The following CDH18 variants were observed in gnomAD, a reference collection of about 807,000 sequenced individuals.
CDH18 encodes the protein cadherin 18.
In CDH18, 31 loss-of-function variants were observed where a neutral mutation model predicts 67.9. The observed-to-expected ratio is 0.46, with a 90% CI of 0.34 to 0.62. The LOEUF is 0.62. Ranked by LOEUF, CDH18 falls within the 20% of genes least tolerant of loss-of-function variation. CDH18 has a pLI of 0.01. For missense variants in CDH18, 890 were observed against 975.5 expected (o/e 0.91, Z 1.17); for synonymous variants, 362 against 347.2 (o/e 1.04, Z -0.48).
chr5:19,859,232 C>T (rs1173111798), intron 2 of CDH18, among the ~76,000 whole-genome samples: 1 of 152,096 alleles, frequency 6.6e-6, no homozygotes, highest in Non-Finnish European at 1.5e-5. Flanking sequence ...TTATACTCTC[C>T]TCCCTTTGGA....
At chr5:20,043,592 T>C (rs2150477122) in intron 2 of CDH18, among the ~76,000 whole-genome samples, 1 of 152,314 alleles carries the variant, frequency 6.6e-6, no homozygotes, top group South Asian at 2.1e-4. Flanking sequence ...GTTATGGATA[T>C]ATAGAATGTG....
rs1580034723 is a variant in CDH18, at chr5:19,530,470, A to C, written c.1391-9692T>G. On this transcript the variant is annotated intron_variant, in intron 9 of 12. Coordinates refer to ENST00000382275, the MANE Select transcript of CDH18 (RefSeq NM_004934.5). ...TATTATACTTTAAGTTTTAGTGTAC[A>C]TGTGCACAATGTGCAGGTTTGTTAC... Among the ~76,000 whole-genome samples the C allele has an allele frequency of 2.0e-5, 3 of 152,212 alleles. No homozygotes were observed. In the East Asian group the frequency reaches 5.8e-4, roughly 29 times the overall value.
At chr5:20,541,947 GTTGTTTT>G (rs1043938400) in intron 1 of CDH18, among the ~76,000 whole-genome samples, 10 of 151,982 alleles carry the variant, frequency 6.6e-5, no homozygotes, top group Non-Finnish European at 1.0e-4. Context: ...GGTTTTTGTT[GTTGTTTT>G]TTGTTTTTTG....
intron 5 of CDH18, among the ~76,000 whole-genome samples, chr5:19,681,674 G>C (rs1760345950): frequency 6.6e-6 from 1 of 151,874 alleles, no homozygotes; most frequent in African/African-American, 2.4e-5. Flanking sequence ...TACAAACCCA[G>C]TCTAGCTGGG....
chr5:20,401,485 C>T (rs1056963914), intron 1 of CDH18, among the ~76,000 whole-genome samples: 5 of 152,110 alleles, frequency 3.3e-5, no homozygotes, highest in Admixed American at 6.6e-5. Flanking sequence ...TTAAATAGGT[C>T]TCTGTGTCTT....
intron 2 of CDH18, among the ~76,000 whole-genome samples, chr5:19,947,208 C>T (rs1436630807): frequency 6.6e-6 from 1 of 151,630 alleles, no homozygotes; most frequent in Non-Finnish European, 1.5e-5. Context: ...AAGTTTTATT[C>T]AACATAATAC....
chr5:20,164,434 C>T (rs1297248167), intron 2 of CDH18, among the ~76,000 whole-genome samples: 1 of 152,016 alleles, frequency 6.6e-6, no homozygotes, highest in Non-Finnish European at 1.5e-5. Flanking sequence ...ATTACAGGCA[C>T]CTGCCACCAC....
chr5:20,064,118 A>G (rs1742763295), intron 2 of CDH18, among the ~76,000 whole-genome samples: 1 of 152,164 alleles, frequency 6.6e-6, no homozygotes, highest in East Asian at 1.9e-4. Flanking sequence ...AGTATCTTTA[A>G]TGTGTTATTA....
chr5:20,200,732 C>T (rs1362111865), intron 2 of CDH18, among the ~76,000 whole-genome samples: 1 of 151,922 alleles, frequency 6.6e-6, no homozygotes, highest in Non-Finnish European at 1.5e-5. Context: ...ATTCCCAAGT[C>T]CCATGCCAAA....
intron 2 of CDH18, among the ~76,000 whole-genome samples, chr5:20,143,384 TAGATATGG>T (rs1341525832): frequency 6.6e-6 from 1 of 152,082 alleles, no homozygotes; most frequent in Non-Finnish European, 1.5e-5. Context: ...ACTTATTTAT[TAGATATGG>T]AGTCTTGCTT....
intron 1 of CDH18, among the ~76,000 whole-genome samples, chr5:20,483,138 A>G (rs1752932021): frequency 6.6e-6 from 1 of 152,066 alleles, no homozygotes. Flanking sequence ...ACAATCTGAA[A>G]AAGAAATCTA....
At chr5:19,754,163 C>T (rs558297662) in intron 3 of CDH18, among the ~76,000 whole-genome samples, 1 of 152,198 alleles carries the variant, frequency 6.6e-6, no homozygotes, top group South Asian at 2.1e-4. Context: ...CACATCTCAA[C>T]ATTAACATTG....
chr5:19,861,335 A>C (rs1475780733), intron 2 of CDH18, among the ~76,000 whole-genome samples: 1 of 152,102 alleles, frequency 6.6e-6, no homozygotes, highest in African/African-American at 2.4e-5. Context: ...GAGGACAGGA[A>C]CAGGCAAAAG....
chr5:20,539,244 G>T lies in CDH18; in HGVS notation c.-580+36218C>A, dbSNP rs150264810. Among the ~76,000 whole-genome samples the T allele has an allele frequency of 8.2e-3, 1,245 of 152,132 alleles. 8 individuals are homozygous for T. Among genetic ancestry groups the T allele is most frequent in the Non-Finnish European group, 0.014 (940 of 67,988 alleles). On this transcript the variant is annotated intron_variant, in intron 1 of 14. Transcript: ENST00000507958. ...CACAGGGATAGGAAAGAAAATTCAT[G>T]GGAAATAAACTTTCTTCTTGCCCAT...
At chr5:20,495,409 C>A (rs929350392) in intron 1 of CDH18, among the ~76,000 whole-genome samples, 1 of 152,040 alleles carries the variant, frequency 6.6e-6, no homozygotes, top group Non-Finnish European at 1.5e-5. Context: ...ATGCTTAAAG[C>A]AGTGCCCAGG....
intron 1 of CDH18, among the ~76,000 whole-genome samples, chr5:20,455,576 A>T (rs1750781552): frequency 6.6e-6 from 1 of 152,170 alleles, no homozygotes; most frequent in East Asian, 1.9e-4. Context: ...AGACTGGGTC[A>T]ATATGCCTTA....
chr5:20,426,724 A>G (rs1215632454), intron 1 of CDH18, among the ~76,000 whole-genome samples: 2 of 151,114 alleles, frequency 1.3e-5, no homozygotes, highest in Non-Finnish European at 2.9e-5. Flanking sequence ...TCACTTCTAA[A>G]AAGCTTTATG....
intron 2 of CDH18, among the ~76,000 whole-genome samples, chr5:19,843,145 G>C (rs1782532832): frequency 1.3e-5 from 2 of 152,216 alleles, no homozygotes; most frequent in Non-Finnish European, 2.9e-5. Flanking sequence ...AGACAATGGA[G>C]AAAATGTCTC....
intron 1 of CDH18, among the ~76,000 whole-genome samples, chr5:20,438,996 T>C (rs575862744): frequency 1.3e-5 from 2 of 151,644 alleles, no homozygotes; most frequent in South Asian, 4.1e-4. Context: ...TAATTAATAG[T>C]GTTAAGTAAT....
Sources: gnomAD v4.1 joint callset for allele counts (sites outside exome capture counted in the v4.1 genomes callset) on GRCh38, gnomAD v4.1.1 for gene constraint, MANE v1.5 for transcripts, NCBI Gene and HGNC (gene_info 2026-07-23, HGNC 2026-07-21) for gene names.